Variants in PCDH9 observed in about 807,000 individuals in gnomAD.
PCDH9 encodes the protein protocadherin-9.
In PCDH9, 24 loss-of-function variants were observed where a neutral mutation model predicts 70.6. The observed-to-expected ratio is 0.34, with a 90% CI of 0.25 to 0.48. The LOEUF (loss-of-function observed/expected upper bound fraction) is 0.48. Ranked by LOEUF, PCDH9 falls within the 20% of genes least tolerant of loss-of-function variation. The pLI, the probability that PCDH9 is intolerant of heterozygous loss-of-function variation, is 0.99. For synonymous variants in PCDH9, 562 were observed against 558.5 expected, an observed-to-expected ratio of 1.01 and a Z score of -0.09; for missense variants, 1,281 against 1,503.6, an observed-to-expected ratio of 0.85 and a Z score of 2.45.
Position 67,228,251 on chromosome 13 carries a change from A to G in PCDH9, c.190T>C (p.Tyr64His), listed in dbSNP as rs771820009. 1 of 1,613,248 alleles carries G rather than the reference A, an allele frequency of 6.2e-7. No homozygotes were observed. The highest frequency in any genetic ancestry group is 1.7e-5 in the Admixed American group (1 of 59,914). The change falls in exon 2 of 5, where the codon TAC becomes CAC. Residue 64 changes from tyrosine (Y) to histidine (H), a missense_variant. Tyr to His is a moderately conservative substitution (Grantham distance 83). This residue lies in a region of PCDH9 where 798 missense variants were observed against 1,003.1 expected (regional missense o/e 0.80). Transcript: ENST00000377865. ...AATGTSASLV[Y>H]RLVSKAGDAP... ...TCCCCAGCTTTAGAAACCAGTCTGT[A>G]GACAAGGCTGGCGCTGGTCCCTGTG...
At chr13:66,812,191 A>G (rs1250856213) in intron 3 of PCDH9, among the ~76,000 whole-genome samples, 3 of 152,198 alleles carry the variant, frequency 2.0e-5, no homozygotes, top group Non-Finnish European at 4.4e-5. Flanking sequence ...CAGGATAAGC[A>G]TAATAACTAT....
At chr13:66,582,444 A>G (rs2076905352) in intron 4 of PCDH9, among the ~76,000 whole-genome samples, 1 of 151,946 alleles carries the variant, frequency 6.6e-6, no homozygotes, top group Non-Finnish European at 1.5e-5. Flanking sequence ...ACCAGCCTGG[A>G]CAACATGGCA....
chr13:66,422,744 A>T (rs1198607671), intron 4 of PCDH9, among the ~76,000 whole-genome samples: 2 of 152,156 alleles, frequency 1.3e-5, no homozygotes, highest in African/African-American at 4.8e-5. Flanking sequence ...CAACTAAAAG[A>T]ACTAGAGAAG....
At chr13:66,508,438 T>C (rs949759801) in intron 4 of PCDH9, among the ~76,000 whole-genome samples, 3 of 152,340 alleles carry the variant, frequency 2.0e-5, no homozygotes, top group South Asian at 2.1e-4. Context: ...AGAGAAAATA[T>C]GTAACCTACA....
At chr13:67,023,974 G>GAA (rs77342518) in intron 2 of PCDH9, among the ~76,000 whole-genome samples, 7 of 147,416 alleles carry the variant, frequency 4.7e-5, no homozygotes, top group Non-Finnish European at 1.0e-4. Context: ...AAAGATGGAA[G>GAA]AAAAAAAAAA....
intron 2 of PCDH9, among the ~76,000 whole-genome samples, chr13:66,973,612 T>C (rs1594332636): frequency 1.3e-5 from 2 of 152,120 alleles, no homozygotes; most frequent in African/African-American, 4.8e-5. Flanking sequence ...CATCTATTCA[T>C]TTTTAATCAT....
At chr13:66,828,688 GAC>G (rs2080866995) in intron 3 of PCDH9, among the ~76,000 whole-genome samples, 1 of 152,052 alleles carries the variant, frequency 6.6e-6, no homozygotes, top group Non-Finnish European at 1.5e-5. Context: ...AAGAAAAAGA[GAC>G]AGAGAGAGGG....
chr13:67,225,943 G>A lies in PCDH9; in HGVS notation c.2498C>T (p.Thr833Ile), dbSNP rs200554725. The change falls in exon 2 of 5, where the codon ACC becomes ATC. Residue 833 changes from threonine to isoleucine, a missense_variant. This residue lies in a region of PCDH9 where 207 missense variants were observed against 191.8 expected (regional missense o/e 1.08). Coordinates refer to ENST00000377865, the MANE Select transcript of PCDH9 (RefSeq NM_203487.3). Reference protein sequence around the residue: ...AMVVIVVIFVTVLVRCRHASR... With the variant: ...AMVVIVVIFVIVLVRCRHASR... The stretch of plus-strand genomic sequence containing the variant: ...TGCATGGCGACAGCGCACCAGAACG[G>A]TGACGAAGATCACAACAATGACCAC... The A allele has an allele frequency of 3.3e-5, 54 of 1,614,010 alleles. No homozygotes were observed. Among genetic ancestry groups the A allele is most frequent in the Non-Finnish European group, 4.3e-5 (51 of 1,180,036 alleles).
intron 2 of PCDH9, among the ~76,000 whole-genome samples, chr13:67,074,752 T>A (rs1055669310): frequency 1.3e-5 from 2 of 152,168 alleles, no homozygotes; most frequent in Non-Finnish European, 1.5e-5. Flanking sequence ...TTTTAATGTA[T>A]GATTTATAAT....
At chr13:66,591,962 A>G (rs930083802) in intron 4 of PCDH9, among the ~76,000 whole-genome samples, 8 of 151,684 alleles carry the variant, frequency 5.3e-5, no homozygotes, top group African/African-American at 1.7e-4. Flanking sequence ...AAATATGACA[A>G]GAAAGAAAGA....
chr13:66,934,708 CTTTTTTTTTTTTTTTTT>C (rs1158291293), intron 2 of PCDH9, among the ~76,000 whole-genome samples: 1 of 47,304 alleles, frequency 2.1e-5, no homozygotes, highest in African/African-American at 8.7e-5. Context: ...CATGTGTTTG[CTTTTTTTTTTTTTTTTT>C]TTTTTTTTTT....
chr13:66,800,149 T>G (rs1249962214), intron 3 of PCDH9, among the ~76,000 whole-genome samples: 1 of 152,134 alleles, frequency 6.6e-6, no homozygotes, highest in Admixed American at 6.6e-5. Context: ...TTACACTATT[T>G]CCCAGATGTT....
intron 3 of PCDH9, among the ~76,000 whole-genome samples, chr13:66,792,727 T>A (rs79784758): frequency 2.0e-5 from 3 of 152,116 alleles, no homozygotes; most frequent in Non-Finnish European, 4.4e-5. Flanking sequence ...GGTAATTTGT[T>A]ATATTACTAC....
intron 2 of PCDH9, among the ~76,000 whole-genome samples, chr13:67,134,782 T>C (rs1364454792): frequency 1.3e-5 from 2 of 152,002 alleles, no homozygotes; most frequent in Non-Finnish European, 2.9e-5. Context: ...TTTAAAACAA[T>C]GTAAAAGTGG....
chr13:66,820,500 A>T (rs1052903002), intron 3 of PCDH9, among the ~76,000 whole-genome samples: 1 of 152,206 alleles, frequency 6.6e-6, no homozygotes, highest in Non-Finnish European at 1.5e-5. Flanking sequence ...ATTACTGGGT[A>T]TATATCCAAT....
intron 2 of PCDH9, among the ~76,000 whole-genome samples, chr13:67,062,787 T>G (rs982177205): frequency 6.6e-6 from 1 of 152,130 alleles, no homozygotes; most frequent in Non-Finnish European, 1.5e-5. Flanking sequence ...AAAACATGCT[T>G]TAGTTTAATT....
intron 3 of PCDH9, among the ~76,000 whole-genome samples, chr13:66,826,629 A>T (rs2080828252): frequency 6.6e-6 from 1 of 152,160 alleles, no homozygotes; most frequent in Non-Finnish European, 1.5e-5. Flanking sequence ...CTGTGACCTT[A>T]GTGTGGTGAA....
At chr13:66,476,878 G>T (rs1169183190) in intron 4 of PCDH9, among the ~76,000 whole-genome samples, 2 of 152,038 alleles carry the variant, frequency 1.3e-5, no homozygotes, top group Non-Finnish European at 2.9e-5. Context: ...GAATAGCTCT[G>T]TAGAAACATT....
chr13:66,510,970 T>C (rs1305636186), intron 4 of PCDH9, among the ~76,000 whole-genome samples: 2 of 152,172 alleles, frequency 1.3e-5, no homozygotes, highest in African/African-American at 4.8e-5. Flanking sequence ...TAGGTAATGT[T>C]TGGAAGCCAA....
Sources: gnomAD v4.1 joint callset for allele counts (sites outside exome capture counted in the v4.1 genomes callset) on GRCh38, gnomAD v4.1.1 for gene constraint, gnomAD v4.1.1 regional missense constraint, MANE v1.5 for transcripts, NCBI Gene and HGNC (gene_info 2026-07-23, HGNC 2026-07-21) for gene names.